The following CPT1A variants were observed in gnomAD, a reference collection of about 807,000 sequenced individuals.
CPT1A encodes carnitine palmitoyltransferase 1A.
Under a neutral mutation model 100.8 loss-of-function variants are expected in CPT1A, and 64 were observed. The observed-to-expected ratio is 0.63, with a 90% CI of 0.52 to 0.78. The LOEUF (loss-of-function observed/expected upper bound fraction) is 0.78, where lower values mean the gene tolerates loss of function less well. CPT1A is among the 30% of genes least tolerant of loss of function. CPT1A has a pLI of 0.00. For synonymous variants in CPT1A, 363 were observed against 396.0 expected, an observed-to-expected ratio of 0.92 and a Z score of 0.99; for missense variants, 802 against 1,034.1, an observed-to-expected ratio of 0.78 and a Z score of 3.08.
intron 1 of CPT1A, among the ~76,000 whole-genome samples, chr11:68,827,368 C>G (rs1267819049): frequency 6.6e-6 from 1 of 152,080 alleles, no homozygotes; most frequent in Non-Finnish European, 1.5e-5. Flanking sequence ...GTGAACTTTA[C>G]TATATTATAC....
chr11:68,791,657 C>A (rs890658304), intron 9 of CPT1A, among the ~76,000 whole-genome samples: 3 of 152,290 alleles, frequency 2.0e-5, no homozygotes, highest in Admixed American at 1.3e-4. Context: ...CTGCCTTAGC[C>A]TCCCAAGTAG....
intron 2 of CPT1A, 35 bp downstream of exon 2, chr11:68,815,299 G>C: frequency 6.2e-7 from 1 of 1,608,850 alleles, no homozygotes. Flanking sequence ...ATATTAAAAG[G>C]CATACTGTGT....
chr11:68,774,047 A>T (rs1345361037), intron 13 of CPT1A, among the ~76,000 whole-genome samples: 1 of 152,216 alleles, frequency 6.6e-6, no homozygotes, highest in Non-Finnish European at 1.5e-5. Context: ...AGGAATTGGG[A>T]GAAGTAACAC....
chr11:68,775,446 A>T lies in CPT1A; in HGVS notation c.1459-14T>A. 1 of 1,588,938 alleles carries T rather than the reference A, an allele frequency of 6.3e-7. No homozygotes were observed. Among genetic ancestry groups the T allele is most frequent in the Non-Finnish European group, 8.6e-7 (1 of 1,156,968 alleles). ...GGACATGACGTACTGTCAAAAATAGAACAAAATTATTAAAACTAACAGTGG... is the reference window on the plus strand; with the variant it reads ...GGACATGACGTACTGTCAAAAATAGTACAAAATTATTAAAACTAACAGTGG... On this transcript the variant is annotated splice_polypyrimidine_tract_variant and intron_variant, in intron 12 of 18. Transcript: ENST00000265641.
chr11:68,792,977 G>A (rs113777900), intron 9 of CPT1A, among the ~76,000 whole-genome samples: 11 of 152,328 alleles, frequency 7.2e-5, no homozygotes, highest in African/African-American at 2.4e-4. Flanking sequence ...GAGCTCAGGA[G>A]GTGGAGGCTG....
intron 14 of CPT1A, among the ~76,000 whole-genome samples, chr11:68,771,544 A>G (rs1226189695): frequency 6.6e-6 from 1 of 152,176 alleles, no homozygotes; most frequent in Non-Finnish European, 1.5e-5. Context: ...GATCTGTCAC[A>G]GACAGGAGCT....
At chr11:68,774,686 G>A (rs1489948473) in intron 13 of CPT1A, among the ~76,000 whole-genome samples, 2 of 150,788 alleles carry the variant, frequency 1.3e-5, no homozygotes, top group African/African-American at 4.9e-5. Flanking sequence ...GGAGGCTGAA[G>A]CAGGAGAATC....
In CPT1A at chr11:68,841,631, C is replaced by T; in HGVS notation, c.-14+144G>A. The T allele has an allele frequency of 3.3e-6, 1 of 299,232 alleles. No individual in the cohort carries two copies. The highest frequency in any genetic ancestry group is 4.9e-6 in the Non-Finnish European group (1 of 202,054). 18.5% of individuals were successfully genotyped at this position (299,232 alleles called of 1,614,324 possible). A position where few individuals can be genotyped will look rare whatever the true frequency, so the allele number is the denominator to read the frequency against. On this transcript the variant is annotated intron_variant, in intron 1 of 18. Transcript: ENST00000265641. This position sits in a 1 kb window ranked among gnomAD's most constrained non-coding sequence, Gnocchi z 6.3. ...ACAACCCCGCCGTCCGGGGGGAATA[C>T]CGGGGTTCCTCTCGGCGCCCCGGTT...
intron 5 of CPT1A, among the ~76,000 whole-genome samples, chr11:68,802,221 A>T (rs1855920236): frequency 6.6e-6 from 1 of 152,126 alleles, no homozygotes; most frequent in Admixed American, 6.6e-5. Flanking sequence ...TTATAAATGT[A>T]CTTAGTGCCC....
At chr11:68,790,098 A>C (rs1450238741) in intron 9 of CPT1A, among the ~76,000 whole-genome samples, 2 of 151,756 alleles carry the variant, frequency 1.3e-5, no homozygotes, top group African/African-American at 4.8e-5. Context: ...ACAGGGTCTC[A>C]TTCTGTCACC....
intron 5 of CPT1A, among the ~76,000 whole-genome samples, chr11:68,801,746 A>G (rs971624360): frequency 1.2e-4 from 18 of 147,500 alleles, no homozygotes; most frequent in Admixed American, 1.2e-3. Flanking sequence ...TTATAGTTTT[A>G]AAATTGGAGT....
At chr11:68,788,710 C>T (rs1855538420) in intron 9 of CPT1A, among the ~76,000 whole-genome samples, 2 of 132,668 alleles carry the variant, frequency 1.5e-5, no homozygotes, top group South Asian at 2.5e-4. Context: ...AAAAGATACA[C>T]ATCCATTTTT....
At chr11:68,799,178 G>C in intron 6 of CPT1A, 40 bp downstream of exon 6, 2 of 1,480,804 alleles carry the variant, frequency 1.4e-6, no homozygotes, top group South Asian at 2.3e-5. Flanking sequence ...GTCTTCATAC[G>C]GAAAAATTTC....
At chr11:68,764,728 A>T (rs1854737015) in intron 14 of CPT1A, among the ~76,000 whole-genome samples, 1 of 152,236 alleles carries the variant, frequency 6.6e-6, no homozygotes, top group African/African-American at 2.4e-5. Flanking sequence ...AGGGCCCCTG[A>T]AAGGCAGAAG....
At chr11:68,779,779 G>C (rs1420880615) in intron 12 of CPT1A, among the ~76,000 whole-genome samples, 2 of 128,454 alleles carry the variant, frequency 1.6e-5, no homozygotes, top group African/African-American at 5.7e-5. Context: ...CTGGGTGACA[G>C]AGTAAGACCC....
intron 6 of CPT1A, 149 bp from the exon 7 acceptor site, chr11:68,797,082 C>A: frequency 1.4e-6 from 1 of 729,410 alleles, no homozygotes; most frequent in South Asian, 1.5e-5. Flanking sequence ...ACAGGGAACG[C>A]AGTCCTAACT....
intron 9 of CPT1A, among the ~76,000 whole-genome samples, chr11:68,792,126 C>T (rs151006476): frequency 0.011 from 1,719 of 151,984 alleles, 30 homozygotes; most frequent in African/African-American, 0.038. Flanking sequence ...ATCACGAGGT[C>T]AGGAGATGAG....
chr11:68,815,361 G>A lies in CPT1A; in HGVS notation c.114C>T (p.Ser38=). 1 of 1,614,126 alleles carries A rather than the reference G, an allele frequency of 6.2e-7. No homozygotes were observed. Among genetic ancestry groups the A allele is most frequent in the Middle Eastern group, 1.6e-4 (1 of 6,062 alleles). ...LRQIYLSGLH[S]WKKKFIRFKN... is the part of the protein sequence containing the mutation. ...TGAATCTGATGAACTTCTTTTTCCA[G>A]GAATGAAGTCCAGAGAGATAGATTT... The change falls in exon 2 of 19, where the codon TCC becomes TCT. Residue 38 remains serine, a synonymous_variant. Transcript: ENST00000265641.
At chr11:68,792,368 G>A (rs1163578418) in intron 9 of CPT1A, among the ~76,000 whole-genome samples, 1 of 152,082 alleles carries the variant, frequency 6.6e-6, no homozygotes, top group Admixed American at 6.6e-5. Context: ...TTGCAGGTCA[G>A]CTCTGGCCCT....
Sources: gnomAD v4.1 joint callset for allele counts (sites outside exome capture counted in the v4.1 genomes callset) on GRCh38, gnomAD v4.1.1 for gene constraint, Gnocchi (gnomAD v3.1) non-coding constraint, MANE v1.5 for transcripts, NCBI Gene and HGNC (gene_info 2026-07-23, HGNC 2026-07-21) for gene names.